DNAH12: variants seen among roughly 807,000 people sequenced by gnomAD.
DNAH12 encodes axonemal beta dynein heavy chain 12.
DNAH12 carries 285 observed loss-of-function variants against 371.5 expected under a neutral mutation model. The observed-to-expected ratio is 0.77, with a 90% confidence interval of 0.70 to 0.85. The LOEUF (loss-of-function observed/expected upper bound fraction) is 0.85, where lower values mean the gene tolerates loss of function less well. Ranked by LOEUF, DNAH12 falls within the 40% of genes least tolerant of loss-of-function variation. DNAH12 has a pLI of 0.00. For missense variants in DNAH12, 3,611 were observed against 3,689.4 expected (o/e 0.98, Z 0.55); for synonymous variants, 1,200 against 1,213.0 (o/e 0.99, Z 0.22).
At chr3:57,362,463 A>C (rs932064562) in intron 58 of DNAH12, among the ~76,000 whole-genome samples, 1 of 152,212 alleles carries the variant, frequency 6.6e-6, no homozygotes, top group Non-Finnish European at 1.5e-5. Flanking sequence ...CAATGGTTGA[A>C]GTAATTTATA....
At chr3:57,448,114 G>A (rs2065585759) in intron 25 of DNAH12, among the ~76,000 whole-genome samples, 3 of 152,152 alleles carry the variant, frequency 2.0e-5, no homozygotes, top group Admixed American at 2.0e-4. Context: ...AAATATACTA[G>A]TGTGTCTGGA....
At chr3:57,379,632 G>C (rs1353192641) in intron 51 of DNAH12, among the ~76,000 whole-genome samples, 1 of 152,010 alleles carries the variant, frequency 6.6e-6, no homozygotes. Flanking sequence ...CTTGAGACCA[G>C]GAGTTCGAGG....
chr3:57,456,715 C>T (rs1450285942), intron 22 of DNAH12, among the ~76,000 whole-genome samples: 1 of 152,162 alleles, frequency 6.6e-6, no homozygotes, highest in African/African-American at 2.4e-5. Context: ...ATCCACTAGC[C>T]TAGCTCATAG....
In DNAH12 at chr3:57,338,635, G is replaced by A. The variant is rs556809243; in HGVS notation, c.9675-3695C>T. On this transcript the variant is annotated intron_variant, in intron 60 of 73. Transcript: ENST00000495027. ...AAGAGCATCTCTGCCTGGCCGCCCC[G>A]TCTAGAAAGTGAGGAGCGCCTCTGC... 1.2e-3 allele frequency among the ~76,000 whole-genome samples: 180 copies of A among 144,868 alleles called. 1 individual carries two copies. The highest frequency in any genetic ancestry group is 4.2e-3 in the African/African-American group (163 of 38,942).
At chr3:57,367,957 T>C (rs2063087641) in intron 56 of DNAH12, 89 bp downstream of exon 56, 1 of 152,244 alleles carries the variant, frequency 6.6e-6, no homozygotes, top group Non-Finnish European at 1.5e-5. Context: ...TTAACATTAT[T>C]ATTAAATGTA....
chr3:57,312,225 G>A (rs1262340572), intron 66 of DNAH12, among the ~76,000 whole-genome samples: 1 of 152,180 alleles, frequency 6.6e-6, no homozygotes, highest in African/African-American at 2.4e-5. Flanking sequence ...GAGGCGTCAA[G>A]AGATATGAAA....
chr3:57,294,664 T>G (rs2061196595), intron 73 of DNAH12, among the ~76,000 whole-genome samples: 1 of 152,138 alleles, frequency 6.6e-6, no homozygotes. Flanking sequence ...TACAACTGCT[T>G]AGAGCTCTAA....
chr3:57,523,711 C>A, intron 3 of DNAH12, 92 bp downstream of exon 3: 1 of 1,294,604 alleles, frequency 7.7e-7, no homozygotes, highest in Non-Finnish European at 1.0e-6. Context: ...ATCTATTATT[C>A]CTTTTAAAAA....
intron 29 of DNAH12, among the ~76,000 whole-genome samples, 152 bp downstream of exon 29, chr3:57,444,545 C>T (rs1337256538): frequency 6.6e-6 from 1 of 152,034 alleles, no homozygotes; most frequent in African/African-American, 2.4e-5. Context: ...ATGAAAGTAC[C>T]CAAATTTACT....
At chr3:57,393,625 C>CAAAAAAAAAAAAAA (rs1180952196) in intron 44 of DNAH12, among the ~76,000 whole-genome samples, 17 of 64,252 alleles carry the variant, frequency 2.6e-4, no homozygotes, top group African/African-American at 3.5e-4. Flanking sequence ...GACTCTGTCT[C>CAAAAAAAAAAAAAA]AAAAAAAAAA....
At chr3:57,481,533 C>T (rs1239337496) in intron 13 of DNAH12, among the ~76,000 whole-genome samples, 3 of 152,094 alleles carry the variant, frequency 2.0e-5, no homozygotes, top group African/African-American at 7.2e-5. Flanking sequence ...CCCCATCAAG[C>T]TACCAATGAC....
intron 38 of DNAH12, 101 bp downstream of exon 38, chr3:57,415,325 C>A (rs751222308): frequency 8.4e-5 from 118 of 1,403,498 alleles, no homozygotes; most frequent in Non-Finnish European, 1.1e-4. Context: ...GTTTTAAATT[C>A]ATAGATTTAC....
At position 57,519,538 on chromosome 3, in the gene DNAH12, A is replaced by G. The variant is rs1575723533; in HGVS notation, c.279+4045T>C. On this transcript the variant is annotated intron_variant, in intron 4 of 73. Transcript: ENST00000495027. ...CTAAACCAAGCCTTTGATGTGTCCC[A>G]AAGGACCACAGATCCATCGACTCCT... The G allele has an allele frequency of 2.6e-5, 16 of 606,686 alleles. 1 individual carries two copies. In the East Asian group the frequency reaches 4.5e-4, roughly 17 times the overall value. The allele number at this position is 606,686 out of a possible 1,614,324, so 37.6% of individuals were successfully genotyped here. A position where few individuals can be genotyped will look rare whatever the true frequency, so the allele number is the denominator to read the frequency against.
intron 64 of DNAH12, 47 bp from the exon 65 acceptor site, chr3:57,322,530 G>A: frequency 6.6e-7 from 1 of 1,519,694 alleles, no homozygotes; most frequent in East Asian, 2.5e-5. Context: ...GCAAGTGGAG[G>A]CTCTAAAAGT....
intron 43 of DNAH12, among the ~76,000 whole-genome samples, chr3:57,402,903 C>G (rs1553679460): frequency 2.6e-5 from 4 of 152,158 alleles, no homozygotes; most frequent in African/African-American, 9.7e-5. Flanking sequence ...TCATTTTATG[C>G]ATGTATCAAA....
intron 43 of DNAH12, chr3:57,402,426 A>T (rs2063899578): frequency 7.7e-7 from 1 of 1,304,962 alleles, no homozygotes; most frequent in Non-Finnish European, 1.0e-6. Context: ...ACAGCAATAA[A>T]GCTCTAAAGA....
chr3:57,449,896 C>T (rs1269634217), intron 25 of DNAH12, among the ~76,000 whole-genome samples: 3 of 152,216 alleles, frequency 2.0e-5, no homozygotes, highest in East Asian at 1.9e-4. Flanking sequence ...ACTGCCATCA[C>T]GCTGTCATCT....
chr3:57,471,004 G>A (rs1243568277), intron 15 of DNAH12, among the ~76,000 whole-genome samples: 2 of 152,120 alleles, frequency 1.3e-5, no homozygotes, highest in Admixed American at 6.5e-5. Flanking sequence ...ACTGCGCCTG[G>A]CCTATACAGC....
intron 39 of DNAH12, 48 bp from the exon 40 acceptor site, chr3:57,408,583 T>A (rs1451756438): frequency 1.4e-6 from 2 of 1,426,638 alleles, no homozygotes; most frequent in African/African-American, 2.9e-5. Flanking sequence ...ATAAAGACAT[T>A]AAGATGGGAT....
Sources: gnomAD v4.1 joint callset for allele counts (sites outside exome capture counted in the v4.1 genomes callset) on GRCh38, gnomAD v4.1.1 for gene constraint, MANE v1.5 for transcripts, NCBI Gene and HGNC (gene_info 2026-07-23, HGNC 2026-07-21) for gene names.